Variants in PRIMPOL observed in about 807,000 individuals in gnomAD.
PRIMPOL encodes primase and DNA directed polymerase, also known as DNA-directed primase/polymerase protein.
PRIMPOL carries 54 observed loss-of-function variants against 63.6 expected under a neutral mutation model. The observed-to-expected ratio is 0.85, with a 90% confidence interval of 0.68 to 1.07. PRIMPOL has a LOEUF of 1.07. PRIMPOL is among the 50% of genes least tolerant of loss of function. The probability of loss-of-function intolerance (pLI) is 0.00; values close to 1 mark genes in which losing one functional copy is unlikely to be tolerated. For synonymous variants in PRIMPOL, 197 were observed against 220.2 expected (o/e 0.89, Z 0.93); for missense variants, 610 against 648.3 (o/e 0.94, Z 0.64).
intron 7 of PRIMPOL, among the ~76,000 whole-genome samples, chr4:184,673,434 T>TC (rs1752439469): frequency 7.9e-6 from 1 of 126,560 alleles, no homozygotes; most frequent in East Asian, 2.5e-4. Flanking sequence ...CAGCCTCTTT[T>TC]TTTTTTTTTA....
At chr4:184,692,789 G>A (rs1342433058) in intron 13 of PRIMPOL, among the ~76,000 whole-genome samples, 3 of 152,092 alleles carry the variant, frequency 2.0e-5, no homozygotes, top group Non-Finnish European at 4.4e-5. Context: ...TGCCAGCAGT[G>A]CTTGTTTACC....
intron 6 of PRIMPOL, among the ~76,000 whole-genome samples, chr4:184,669,653 T>C (rs1319977747): frequency 6.6e-6 from 1 of 152,214 alleles, no homozygotes; most frequent in Non-Finnish European, 1.5e-5. Context: ...ATCTGGGCTT[T>C]CAGTAAGATT....
chr4:184,668,972 A>G (rs1750824657), intron 6 of PRIMPOL, among the ~76,000 whole-genome samples: 1 of 152,026 alleles, frequency 6.6e-6, no homozygotes, highest in Non-Finnish European at 1.5e-5. Flanking sequence ...TGCCCTTTTC[A>G]TTCAGCTCCT....
At chr4:184,659,515 C>T (rs1747660883) in intron 4 of PRIMPOL, 78 bp downstream of exon 4, 5 of 1,046,272 alleles carry the variant, frequency 4.8e-6, no homozygotes, top group Admixed American at 3.4e-5. Flanking sequence ...GAAATTAGTT[C>T]AGGCTGAATT....
intron 6 of PRIMPOL, among the ~76,000 whole-genome samples, chr4:184,671,219 C>T (rs923323042): frequency 5.9e-5 from 9 of 152,076 alleles, no homozygotes; most frequent in East Asian, 1.9e-4. Flanking sequence ...ATGTTAGCTC[C>T]GAGGCCGTAG....
chr4:184,686,397 G>T (rs908783441), intron 11 of PRIMPOL, among the ~76,000 whole-genome samples: 6 of 152,178 alleles, frequency 3.9e-5, no homozygotes, highest in Non-Finnish European at 8.8e-5. Flanking sequence ...GATCTCCTCA[G>T]TTAGTGTTAA....
At chr4:184,683,685 A>G (rs560953135) in intron 9 of PRIMPOL, among the ~76,000 whole-genome samples, 3 of 152,298 alleles carry the variant, frequency 2.0e-5, no homozygotes, top group African/African-American at 7.2e-5. Context: ...TAGCTCTGTC[A>G]TAACTTACCC....
intron 9 of PRIMPOL, 49 bp downstream of exon 9, chr4:184,682,385 G>T: frequency 9.6e-7 from 1 of 1,044,080 alleles, no homozygotes; most frequent in East Asian, 2.4e-5. Context: ...ATCTCTCATT[G>T]TCACCCAGGC....
rs58284286 is a variant in PRIMPOL, at chr4:184,657,995, AAAATAAATAAAT to A, written c.180+705_180+716del. Among the ~76,000 whole-genome samples, 629 of 135,008 alleles carry A rather than the reference AAAATAAATAAAT, an allele frequency of 4.7e-3. 1 individual carries two copies. The highest frequency in any genetic ancestry group is 7.4e-3 in the Non-Finnish European group (470 of 63,654). 88.6% of individuals were successfully genotyped at this position (135,008 alleles called of 152,430 possible). A position where few individuals can be genotyped will look rare whatever the true frequency, so the allele number is the denominator to read the frequency against. On this transcript the variant is annotated intron_variant, in intron 3 of 13. Transcript: ENST00000314970. ...GCAACAAGAGCGAAACTCCATCTCA[AAAATAAATAAAT>A]AAATAAATAAATAAATAAATAAATA...
At chr4:184,693,404 C>T (rs1284641782) in intron 13 of PRIMPOL, among the ~76,000 whole-genome samples, 3 of 151,892 alleles carry the variant, frequency 2.0e-5, no homozygotes, top group Non-Finnish European at 4.4e-5. Context: ...TCAAAAATGC[C>T]AAGTTGAAAG....
At chr4:184,663,626 T>C (rs749948499) in intron 5 of PRIMPOL, among the ~76,000 whole-genome samples, 9 of 152,252 alleles carry the variant, frequency 5.9e-5, no homozygotes, top group Non-Finnish European at 1.3e-4. Flanking sequence ...TTATTCTTTA[T>C]ACTACTTTAT....
chr4:184,674,306 G>A (rs891217487), intron 7 of PRIMPOL, among the ~76,000 whole-genome samples: 8 of 151,998 alleles, frequency 5.3e-5, no homozygotes, highest in Non-Finnish European at 1.2e-4. Flanking sequence ...TTTTTTTGTT[G>A]AAGTATGTGA....
chr4:184,675,838 C>T (rs920518040), intron 7 of PRIMPOL, among the ~76,000 whole-genome samples: 4 of 151,952 alleles, frequency 2.6e-5, no homozygotes, highest in African/African-American at 9.7e-5. Context: ...AACAAACAAA[C>T]AAAAAAACTC....
chr4:184,669,890 G>T (rs1445935717), intron 6 of PRIMPOL, among the ~76,000 whole-genome samples: 1 of 152,078 alleles, frequency 6.6e-6, no homozygotes, highest in Admixed American at 6.6e-5. Context: ...ATTTTTCCTT[G>T]TTTCTTCCTT....
Position 184,673,456 on chromosome 4 carries a change from C to T in PRIMPOL, c.844+996C>T, listed in dbSNP as rs564195464. On this transcript the variant is annotated intron_variant, in intron 7 of 13. Coordinates refer to ENST00000314970, the MANE Select transcript of PRIMPOL (RefSeq NM_152683.4). ...TTTTTTTTTTTTTAAGATGGAGTCT[C>T]GCTCTGTCACCAGGCTGGAGTGTGG... Among the ~76,000 whole-genome samples the T allele has an allele frequency of 7.0e-4, 85 of 121,454 alleles. 2 individuals are homozygous for T. The highest frequency in any genetic ancestry group is 8.9e-4 in the African/African-American group (28 of 31,564). The allele number at this position is 121,454 out of a possible 152,430, so 79.7% of individuals were successfully genotyped here. A position where few individuals can be genotyped will look rare whatever the true frequency, so the allele number is the denominator to read the frequency against.
intron 7 of PRIMPOL, among the ~76,000 whole-genome samples, chr4:184,672,987 T>C (rs928500851): frequency 1.3e-5 from 2 of 152,098 alleles, no homozygotes; most frequent in Admixed American, 6.5e-5. Context: ...TCAGAAGCCC[T>C]GGGCTGACAG....
intron 11 of PRIMPOL, among the ~76,000 whole-genome samples, chr4:184,685,991 A>G (rs6850089): frequency 0.043 from 6,485 of 151,998 alleles, 456 homozygotes; most frequent in African/African-American, 0.15. Context: ...TAGTAGAGAC[A>G]AGGTTTCACC....
chr4:184,690,014 G>A (rs886309021), intron 11 of PRIMPOL, among the ~76,000 whole-genome samples: 1 of 152,172 alleles, frequency 6.6e-6, no homozygotes, highest in African/African-American at 2.4e-5. Flanking sequence ...TTTAAGGGAA[G>A]ATTAGACTAA....
chr4:184,694,366 C>T (rs1759965976), intron 13 of PRIMPOL, 156 bp from the exon 14 acceptor site: 1 of 1,407,556 alleles, frequency 7.1e-7, no homozygotes. Flanking sequence ...GCACTCATTC[C>T]CACGGTGAGA....
Sources: gnomAD v4.1 joint callset for allele counts (sites outside exome capture counted in the v4.1 genomes callset) on GRCh38, gnomAD v4.1.1 for gene constraint, MANE v1.5 for transcripts, NCBI Gene and HGNC (gene_info 2026-07-23, HGNC 2026-07-21) for gene names.